Variants in CDH22 observed in about 807,000 individuals in gnomAD.
CDH22 encodes the protein cadherin 22.
In CDH22, 30 loss-of-function variants were observed where a neutral mutation model predicts 58.4. The ratio of observed to expected loss-of-function variants is 0.51; its 90% CI spans 0.38 to 0.70. The LOEUF is 0.70. Ranked by LOEUF, CDH22 falls within the 30% of genes least tolerant of loss-of-function variation. The pLI, the probability that CDH22 is intolerant of heterozygous loss-of-function variation, is 0.00. For missense variants in CDH22, 1,014 were observed against 1,233.9 expected, an observed-to-expected ratio of 0.82 and a Z score of 2.67; for synonymous variants, 513 against 558.2, an observed-to-expected ratio of 0.92 and a Z score of 1.14.
At chr20:46,238,512 C>T (rs2086269331) in intron 3 of CDH22, among the ~76,000 whole-genome samples, 1 of 152,256 alleles carries the variant, frequency 6.6e-6, no homozygotes, top group Non-Finnish European at 1.5e-5. Context: ...GATCTCCACT[C>T]AGCAGCATAA....
At chr20:46,264,289 T>A (rs2086447922) in intron 1 of CDH22, among the ~76,000 whole-genome samples, 1 of 152,184 alleles carries the variant, frequency 6.6e-6, no homozygotes, top group Non-Finnish European at 1.5e-5. Flanking sequence ...CCAAGCTTTG[T>A]TCCTTTGGGG....
chr20:46,202,416 C>T (rs1191668855), intron 7 of CDH22, among the ~76,000 whole-genome samples: 2 of 149,520 alleles, frequency 1.3e-5, no homozygotes, highest in African/African-American at 5.0e-5. Flanking sequence ...TGCAGTGGTG[C>T]GATCTCGGCT....
At chr20:46,244,840 C>A (rs762569238) in intron 2 of CDH22, among the ~76,000 whole-genome samples, 2 of 152,196 alleles carry the variant, frequency 1.3e-5, no homozygotes, top group Non-Finnish European at 2.9e-5. Flanking sequence ...TCGGTGGCCT[C>A]TTCTCTCTAA....
In CDH22 at chr20:46,271,751, C is replaced by T. The variant is rs149771714; in HGVS notation, c.-399-20058G>A. Among the ~76,000 whole-genome samples the T allele has an allele frequency of 7.3e-3, 1,109 of 152,200 alleles. 18 individuals carry two copies. The highest frequency in any genetic ancestry group is 0.024 in the Admixed American group (369 of 15,290). On this transcript the variant is annotated intron_variant, in intron 1 of 11. Coordinates refer to ENST00000537909, the MANE Select transcript of CDH22 (RefSeq NM_021248.3). ...TCTCTAATAATGCCTTCTGTAAATC[C>T]TTTGCAGGTGTGTCCTTCTCTAACC...
chr20:46,221,391 G>A (rs993990535), intron 4 of CDH22, among the ~76,000 whole-genome samples: 8 of 151,692 alleles, frequency 5.3e-5, no homozygotes, highest in African/African-American at 1.2e-4. Flanking sequence ...AGCCTAAACC[G>A]GAGGAGCAGC....
intron 7 of CDH22, among the ~76,000 whole-genome samples, chr20:46,204,544 C>T (rs1345407870): frequency 1.3e-5 from 2 of 152,174 alleles, no homozygotes; most frequent in African/African-American, 4.8e-5. Context: ...CTTTGTTGAG[C>T]AAGACTTTGT....
intron 10 of CDH22, among the ~76,000 whole-genome samples, chr20:46,178,808 A>G (rs2085762842): frequency 6.6e-6 from 1 of 152,020 alleles, no homozygotes; most frequent in Non-Finnish European, 1.5e-5. Flanking sequence ...CCCCAAGGCC[A>G]GTTGAGAGTC....
intron 1 of CDH22, among the ~76,000 whole-genome samples, chr20:46,298,291 G>A (rs2145783177): frequency 6.6e-6 from 1 of 152,278 alleles, no homozygotes; most frequent in South Asian, 2.1e-4. Flanking sequence ...TCTCTTCTAG[G>A]TAAAATCATT....
At chr20:46,268,131 G>A (rs910099534) in intron 1 of CDH22, among the ~76,000 whole-genome samples, 1 of 152,256 alleles carries the variant, frequency 6.6e-6, no homozygotes, top group Admixed American at 6.5e-5. Context: ...TTGGCTGAGG[G>A]CTGTCAGCAG....
At chr20:46,231,898 C>T (rs1269762822) in intron 3 of CDH22, among the ~76,000 whole-genome samples, 1 of 152,184 alleles carries the variant, frequency 6.6e-6, no homozygotes, top group Non-Finnish European at 1.5e-5. Flanking sequence ...GGTGCCCATT[C>T]TGAGCCTCTG....
intron 3 of CDH22, among the ~76,000 whole-genome samples, chr20:46,234,261 A>G (rs1285795654): frequency 6.6e-6 from 1 of 152,258 alleles, no homozygotes; most frequent in African/African-American, 2.4e-5. Context: ...GTTTTGTGCA[A>G]GAAATGATTG....
chr20:46,186,665 T>C lies in CDH22; in HGVS notation c.1586A>G (p.Gln529Arg), dbSNP rs2085827330. Residue 529 changes from glutamine (Q) to arginine (R), a missense_variant, in exon 10 of 12, where the codon CAA becomes CGA. Coordinates refer to ENST00000537909, the MANE Select transcript of CDH22 (RefSeq NM_021248.3). Reference sequence around the variant, plus strand: ...GCGGAAATAGAAGCGGTGCCCGCCTTGGGGCTCGTCTCTGTCCACCACGCT... The same window carrying C: ...GCGGAAATAGAAGCGGTGCCCGCCTCGGGGCTCGTCTCTGTCCACCACGCT... ...TISVVDRDEP[Q>R]GGHRFYFRLV... The C allele has an allele frequency of 6.2e-7, 1 of 1,613,688 alleles. No individual in the cohort carries two copies. The highest frequency in any genetic ancestry group is 1.3e-5 in the African/African-American group (1 of 74,876).
chr20:46,178,705 T>G (rs1052816907), intron 10 of CDH22, among the ~76,000 whole-genome samples: 1 of 151,616 alleles, frequency 6.6e-6, no homozygotes, highest in African/African-American at 2.4e-5. Flanking sequence ...GGGTTGTGGT[T>G]TGTTGGGCCC....
In CDH22 at chr20:46,251,848, C is replaced by T. The variant is rs2086378996; in HGVS notation, c.-399-155G>A. On this transcript the variant is annotated intron_variant, in intron 1 of 11. Transcript: ENST00000537909. The surrounding 1 kb of genome is among the most constrained non-coding windows in gnomAD (Gnocchi z 6.7). ...CATCATAGCAACTCACAGTGGTCCC[C>T]TCTTCTTGGAGCCCATAGTCTAGTA... is the stretch of plus-strand genomic sequence containing the variant. Among the ~76,000 whole-genome samples, 2 of 152,184 alleles carry T rather than the reference C, an allele frequency of 1.3e-5. No individual in the cohort carries two copies. The highest frequency in any genetic ancestry group is 1.3e-4 in the Admixed American group (2 of 15,286).
intron 10 of CDH22, among the ~76,000 whole-genome samples, chr20:46,181,795 T>TCTCTTTC (rs2085791260): frequency 4.4e-5 from 2 of 45,614 alleles, no homozygotes; most frequent in Non-Finnish European, 9.4e-5. Context: ...TTCTTTCTTT[T>TCTCTTTC]CTCTCTCTTT....
intron 1 of CDH22, among the ~76,000 whole-genome samples, chr20:46,297,139 A>G (rs2086632376): frequency 6.6e-6 from 1 of 152,092 alleles, no homozygotes; most frequent in Non-Finnish European, 1.5e-5. Flanking sequence ...AAGGGCTGGT[A>G]CCCTGGGACA....
At chr20:46,205,498 A>C (rs1364338082) in intron 7 of CDH22, among the ~76,000 whole-genome samples, 2 of 152,218 alleles carry the variant, frequency 1.3e-5, no homozygotes, top group Admixed American at 1.3e-4. Context: ...AAGCCCTTGC[A>C]GTTTCTGCTG....
At chr20:46,194,419 C>G (rs1256771005) in intron 8 of CDH22, among the ~76,000 whole-genome samples, 1 of 152,222 alleles carries the variant, frequency 6.6e-6, no homozygotes, top group East Asian at 1.9e-4. Flanking sequence ...TATGGTCCTT[C>G]TGAGAGGCAT....
chr20:46,194,901 C>T (rs1478206166), intron 8 of CDH22, among the ~76,000 whole-genome samples: 2 of 152,028 alleles, frequency 1.3e-5, no homozygotes, highest in African/African-American at 2.4e-5. Context: ...GGCTAATTTT[C>T]GTACTTTTAG....
Sources: gnomAD v4.1 joint callset for allele counts (sites outside exome capture counted in the v4.1 genomes callset) on GRCh38, gnomAD v4.1.1 for gene constraint, Gnocchi (gnomAD v3.1) non-coding constraint, MANE v1.5 for transcripts, NCBI Gene and HGNC (gene_info 2026-07-23, HGNC 2026-07-21) for gene names.